Variants in RTF2 observed in about 807,000 individuals in gnomAD.
The protein encoded by RTF2 is UPF0549 protein C20orf43.
A neutral mutation model predicts 38.0 loss-of-function variants in RTF2; 18 were observed. The ratio of observed to expected loss-of-function variants is 0.47; its 90% CI spans 0.33 to 0.70. The LOEUF (loss-of-function observed/expected upper bound fraction) is 0.70, where lower values mean the gene tolerates loss of function less well. Ranked by LOEUF, RTF2 falls within the 30% of genes least tolerant of loss-of-function variation. The pLI, the probability that RTF2 is intolerant of heterozygous loss-of-function variation, is 0.02. For missense variants in RTF2, 311 were observed against 379.6 expected, an observed-to-expected ratio of 0.82 and a Z score of 1.50; for synonymous variants, 126 against 137.1, an observed-to-expected ratio of 0.92 and a Z score of 0.57.
intron 8 of RTF2, among the ~76,000 whole-genome samples, chr20:56,517,613 G>A (rs757876265): frequency 6.6e-6 from 1 of 152,166 alleles, no homozygotes; most frequent in Non-Finnish European, 1.5e-5. Flanking sequence ...CCTCTCTGCT[G>A]CCTCTTGACC....
chr20:56,489,541 C>G (rs1300732480), intron 5 of RTF2, among the ~76,000 whole-genome samples: 1 of 152,178 alleles, frequency 6.6e-6, no homozygotes, highest in African/African-American at 2.4e-5. Flanking sequence ...ACTTTCCCAG[C>G]TGTGTGGTCC....
chr20:56,477,562 A>T (rs766637743), intron 4 of RTF2, among the ~76,000 whole-genome samples: 7 of 151,480 alleles, frequency 4.6e-5, no homozygotes, highest in Admixed American at 3.9e-4. Context: ...CTTTTTTTTT[A>T]AGTAGAAATA....
At chr20:56,505,047 G>T (rs757719695) in intron 5 of RTF2, among the ~76,000 whole-genome samples, 1 of 152,206 alleles carries the variant, frequency 6.6e-6, no homozygotes, top group African/African-American at 2.4e-5. Context: ...TTGTTTGTGT[G>T]ATGTTCAGAG....
At chr20:56,483,682 A>G (rs372830221) in intron 4 of RTF2, among the ~76,000 whole-genome samples, 179 of 152,272 alleles carry the variant, frequency 1.2e-3, no homozygotes, top group African/African-American at 4.0e-3. Context: ...TCCTGGTTTC[A>G]AAAGGCATTT....
rs538479676 is a variant in RTF2 at position 56,495,367 on chromosome 20, G to T, written c.477+11178G>T. The stretch of plus-strand genomic sequence containing the variant: ...CAGTTCTTTTAGTACAAGTTCTTCT[G>T]TGCTATCATTTCCATTTCCTCTAGA... On this transcript the variant is annotated intron_variant, in intron 5 of 8. Transcript: ENST00000357348. The T allele has an allele frequency of 4.1e-6, 5 of 1,204,826 alleles. No homozygotes were observed. In the Admixed American group the frequency reaches 6.1e-5, roughly 15 times the overall value. The allele number at this position is 1,204,826 out of a possible 1,614,324, so 74.6% of individuals were successfully genotyped here.
chr20:56,512,778 C>T (rs998281616), intron 5 of RTF2, among the ~76,000 whole-genome samples: 4 of 152,154 alleles, frequency 2.6e-5, no homozygotes, highest in Non-Finnish European at 4.4e-5. Flanking sequence ...GAGGAATCCA[C>T]GTGGGGCTTC....
In RTF2 at chr20:56,506,488, C is replaced by G. The variant is rs1043337205; in HGVS notation, c.478-6827C>G. On this transcript the variant is annotated intron_variant, in intron 5 of 8. Transcript: ENST00000357348. ...CCATTTGTTAAAGTGATATAAATAT[C>G]TAGATACATTAGCATATTGCTCCTA... Among the ~76,000 whole-genome samples, 5 of 152,244 alleles carry G rather than the reference C, an allele frequency of 3.3e-5. 1 individual carries two copies. Among genetic ancestry groups the G allele is most frequent in the East Asian group, 1.9e-4 (1 of 5,182 alleles).
intron 5 of RTF2, chr20:56,497,429 T>C: frequency 6.5e-7 from 1 of 1,544,250 alleles, no homozygotes; most frequent in Non-Finnish European, 8.7e-7. Context: ...GGGCCGCCCC[T>C]TTCCCTTCAA....
At chr20:56,508,779 A>T (rs905473523) in intron 5 of RTF2, among the ~76,000 whole-genome samples, 1 of 152,244 alleles carries the variant, frequency 6.6e-6, no homozygotes, top group African/African-American at 2.4e-5. Context: ...GGGAAAGAAT[A>T]GTTTTTTCAA....
intron 8 of RTF2, among the ~76,000 whole-genome samples, chr20:56,517,587 G>C (rs891106451): frequency 1.3e-5 from 2 of 152,182 alleles, no homozygotes; most frequent in Non-Finnish European, 2.9e-5. Context: ...GGCTCCACGT[G>C]TGGCTCTCAG....
At chr20:56,478,428 A>G (rs902163523) in intron 4 of RTF2, among the ~76,000 whole-genome samples, 1 of 152,100 alleles carries the variant, frequency 6.6e-6, no homozygotes, top group Non-Finnish European at 1.5e-5. Flanking sequence ...CCAGGAATTC[A>G]AGGCTGCAGT....
chr20:56,513,479 G>T (rs781344684), intron 6 of RTF2, 51 bp downstream of exon 6: 24 of 1,549,714 alleles, frequency 1.5e-5, no homozygotes, highest in Non-Finnish European at 1.9e-5. Context: ...CTCCAGAGCC[G>T]ACTGCAAATC....
At chr20:56,512,642 TGC>T (rs1984750805) in intron 5 of RTF2, among the ~76,000 whole-genome samples, 1 of 152,170 alleles carries the variant, frequency 6.6e-6, no homozygotes, top group Non-Finnish European at 1.5e-5. Flanking sequence ...GCTGCCGTCA[TGC>T]TTGGGGGTTT....
chr20:56,512,066 A>G (rs1984709962), intron 5 of RTF2, among the ~76,000 whole-genome samples: 1 of 151,994 alleles, frequency 6.6e-6, no homozygotes, highest in East Asian at 1.9e-4. Context: ...CTGGTCTCGA[A>G]CTCCTGACCT....
intron 5 of RTF2, among the ~76,000 whole-genome samples, chr20:56,498,896 A>G: frequency 6.6e-6 from 1 of 152,118 alleles, no homozygotes; most frequent in East Asian, 1.9e-4. Context: ...TTTCCACATC[A>G]TTTTTACAAA....
intron 5 of RTF2, among the ~76,000 whole-genome samples, chr20:56,500,592 G>T (rs931769149): frequency 6.6e-6 from 1 of 152,156 alleles, no homozygotes; most frequent in Non-Finnish European, 1.5e-5. Flanking sequence ...ATAGAGACAG[G>T]GACATGGCCA....
At chr20:56,493,855 A>T (rs931319504) in intron 5 of RTF2, among the ~76,000 whole-genome samples, 9 of 152,172 alleles carry the variant, frequency 5.9e-5, no homozygotes, top group African/African-American at 2.2e-4. Context: ...GTGATTAAAA[A>T]TAAACCCTTT....
At chr20:56,473,532 C>T (rs1019395249) in intron 2 of RTF2, 137 bp downstream of exon 2, 1 of 619,908 alleles carries the variant, frequency 1.6e-6, no homozygotes, top group African/African-American at 1.9e-5. Context: ...TTCCCTGTCT[C>T]TGAACATAGT....
intron 5 of RTF2, among the ~76,000 whole-genome samples, chr20:56,485,794 A>G (rs1982766662): frequency 6.6e-6 from 1 of 152,186 alleles, no homozygotes; most frequent in African/African-American, 2.4e-5. Context: ...GGAAAATAAG[A>G]TTTGGATGAC....
Sources: gnomAD v4.1 joint callset for allele counts (sites outside exome capture counted in the v4.1 genomes callset) on GRCh38, gnomAD v4.1.1 for gene constraint, MANE v1.5 for transcripts, NCBI Gene and HGNC (gene_info 2026-07-23, HGNC 2026-07-21) for gene names.